The following ASAP2 variants were observed in gnomAD, a reference collection of about 807,000 sequenced individuals.
ASAP2 encodes ArfGAP with SH3 domain, ankyrin repeat and PH domain 2.
Under a neutral mutation model 131.4 loss-of-function variants are expected in ASAP2, and 45 were observed. The ratio of observed to expected loss-of-function variants is 0.34; its 90% confidence interval spans 0.27 to 0.44. The LOEUF (loss-of-function observed/expected upper bound fraction) is 0.44. ASAP2 is among the 20% of genes least tolerant of loss of function. The pLI, the probability that ASAP2 is intolerant of heterozygous loss-of-function variation, is 1.00. For synonymous variants in ASAP2, 510 were observed against 503.0 expected (o/e 1.01, Z -0.19); for missense variants, 1,011 against 1,297.0 (o/e 0.78, Z 3.39).
At chr2:9,390,920 A>G (rs927987329) in intron 22 of ASAP2, 142 bp from the exon 23 acceptor site, 5 of 1,246,712 alleles carry the variant, frequency 4.0e-6, no homozygotes, top group African/African-American at 3.0e-5. Context: ...GAGTAAAAGC[A>G]TTGAGGGTTC....
At chr2:9,380,691 C>T (rs1674767775) in intron 19 of ASAP2, 50 bp from the exon 20 acceptor site, 11 of 1,568,996 alleles carry the variant, frequency 7.0e-6, no homozygotes, top group Non-Finnish European at 9.7e-6. Context: ...GATGTCAGGC[C>T]TTTGCTGGGT....
At chr2:9,240,435 G>A (rs920983255) in intron 1 of ASAP2, among the ~76,000 whole-genome samples, 2 of 151,558 alleles carry the variant, frequency 1.3e-5, no homozygotes, top group African/African-American at 2.4e-5. Context: ...TTGTAGAGAT[G>A]GGGTTTCTCC....
Position 9,281,335 on chromosome 2 carries a change from G to C in ASAP2, c.199+1946G>C, listed in dbSNP as rs1667116383. Among the ~76,000 whole-genome samples the C allele has an allele frequency of 2.0e-5, 3 of 152,182 alleles. No individual in the cohort carries two copies. The highest frequency in any genetic ancestry group is 7.2e-5 in the African/African-American group (3 of 41,438). On this transcript the variant is annotated intron_variant, in intron 2 of 27. Transcript: ENST00000281419. This position sits in a 1 kb window ranked among gnomAD's most constrained non-coding sequence, Gnocchi z 4.0. The stretch of plus-strand genomic sequence containing the variant: ...TGCTGCTCGTCTGGAGGAGAGACTT[G>C]TGTGACTCCCAAGGCTGGCCCAGTG...
chr2:9,297,214 C>G, intron 2 of ASAP2, 86 bp from the exon 3 acceptor site: 6 of 1,513,992 alleles, frequency 4.0e-6, no homozygotes, highest in South Asian at 1.2e-5. Context: ...CTGATGTGTT[C>G]AGTGTTATTC....
chr2:9,355,643 C>G (rs747838649), intron 12 of ASAP2, among the ~76,000 whole-genome samples: 1 of 152,170 alleles, frequency 6.6e-6, no homozygotes, highest in Non-Finnish European at 1.5e-5. Flanking sequence ...TCATACTAAT[C>G]TTTTTCTGAG....
chr2:9,266,238 C>T (rs1184274253), intron 1 of ASAP2, among the ~76,000 whole-genome samples: 1 of 150,030 alleles, frequency 6.7e-6, no homozygotes, highest in Non-Finnish European at 1.5e-5. Flanking sequence ...CCTCGACTTC[C>T]CAGACTCAAG....
Position 9,374,995 on chromosome 2 carries a change from G to A in ASAP2, c.1746+51G>A, listed in dbSNP as rs543840143. 3.0e-5 allele frequency: 45 copies of A among 1,489,186 alleles called. No individual in the cohort carries two copies. The East Asian group carries it at 5.4e-4, about 18-fold the overall frequency. 92.2% of individuals were successfully genotyped at this position (1,489,186 alleles called of 1,614,324 possible). A position where few individuals can be genotyped will look rare whatever the true frequency, so the allele number is the denominator to read the frequency against. ...TAAAAAAAAAAAAAAGGCCGGCCAC[G>A]GTGGCTCATGCCTGGGATCCAGTAC... On this transcript the variant is annotated intron_variant, in intron 17 of 27. Coordinates refer to ENST00000281419, the MANE Select transcript of ASAP2 (RefSeq NM_003887.3).
intron 1 of ASAP2, among the ~76,000 whole-genome samples, chr2:9,214,704 T>C (rs192991282): frequency 9.2e-4 from 140 of 151,432 alleles, no homozygotes; most frequent in African/African-American, 2.9e-3. Context: ...CATAAATGTA[T>C]ATTGGGCCCC....
At chr2:9,269,527 C>T (rs915103453) in intron 1 of ASAP2, among the ~76,000 whole-genome samples, 2 of 152,172 alleles carry the variant, frequency 1.3e-5, no homozygotes, top group African/African-American at 4.8e-5. Context: ...GAGGAGCCCC[C>T]ACATGGAGGA....
rs893173604 is a variant in ASAP2, at chr2:9,268,489, G to T, written c.127-10828G>T. Among the ~76,000 whole-genome samples, 1 of 152,198 alleles carries T rather than the reference G, an allele frequency of 6.6e-6. No individual in the cohort carries two copies. Among genetic ancestry groups the T allele is most frequent in the African/African-American group, 2.4e-5 (1 of 41,444 alleles). On this transcript the variant is annotated intron_variant, in intron 1 of 27. Transcript: ENST00000281419. The surrounding 1 kb of genome is among the most constrained non-coding windows in gnomAD (Gnocchi z 4.1). ...GGCCTGGCTTTATTCCCACAAGGGG[G>T]GAGGTTCGTTATTGCTCTGGCTTTA...
chr2:9,314,456 A>C (rs1025432720), intron 3 of ASAP2, among the ~76,000 whole-genome samples: 15 of 152,182 alleles, frequency 9.9e-5, no homozygotes, highest in Admixed American at 9.2e-4. Flanking sequence ...TTCGATGCCC[A>C]AAAAAATATT....
At chr2:9,240,245 ATTTT>A (rs34070129) in intron 1 of ASAP2, among the ~76,000 whole-genome samples, 1 of 127,062 alleles carries the variant, frequency 7.9e-6, no homozygotes. Flanking sequence ...TCCTCCCATA[ATTTT>A]TTTTTTTTTT....
At chr2:9,393,669 C>G (rs765337326) in intron 24 of ASAP2, 22 bp downstream of exon 24, 1 of 1,548,566 alleles carries the variant, frequency 6.5e-7, no homozygotes, top group African/African-American at 1.4e-5. Context: ...CCAGCCAGCT[C>G]GGCCATCCGT....
intron 1 of ASAP2, among the ~76,000 whole-genome samples, chr2:9,261,155 G>T (rs986267561): frequency 6.6e-6 from 1 of 152,186 alleles, no homozygotes; most frequent in Admixed American, 6.5e-5. Flanking sequence ...TAGCTGGGCT[G>T]GGGTTAGTGG....
chr2:9,235,083 C>T (rs1416608422), intron 1 of ASAP2, among the ~76,000 whole-genome samples: 4 of 152,070 alleles, frequency 2.6e-5, no homozygotes, highest in Non-Finnish European at 1.5e-5. Context: ...CTCCAAGTGC[C>T]GTGTTTCACT....
chr2:9,350,315 A>G (rs746429383), intron 11 of ASAP2: 2 of 152,478 alleles, frequency 1.3e-5, no homozygotes, highest in Non-Finnish European at 2.9e-5. Flanking sequence ...CACCACTTCA[A>G]ACAGTAGGAA....
At chr2:9,287,510 C>T (rs1047076380) in intron 2 of ASAP2, among the ~76,000 whole-genome samples, 3 of 152,156 alleles carry the variant, frequency 2.0e-5, no homozygotes, top group African/African-American at 4.8e-5. Flanking sequence ...CAGGAGAGGG[C>T]GTACATGAAG....
intron 18 of ASAP2, 67 bp downstream of exon 18, chr2:9,377,060 G>C: frequency 7.2e-7 from 1 of 1,379,578 alleles, no homozygotes; most frequent in African/African-American, 1.4e-5. Context: ...GGAATCGGAC[G>C]CTGCCTCATC....
chr2:9,343,543 C>T (rs879844851), intron 9 of ASAP2, among the ~76,000 whole-genome samples: 8 of 152,150 alleles, frequency 5.3e-5, no homozygotes, highest in Admixed American at 3.3e-4. Context: ...ATCTCCCAGG[C>T]TCAAGCAGTC....
Sources: allele counts gnomAD v4.1 joint callset (sites outside exome capture counted in the v4.1 genomes callset), GRCh38; gene constraint gnomAD v4.1.1; non-coding constraint Gnocchi (gnomAD v3.1); transcripts MANE v1.5; gene names NCBI Gene and HGNC (gene_info 2026-07-23, HGNC 2026-07-21).